The following JAKMIP2 variants were observed in gnomAD, a reference collection of about 807,000 sequenced individuals.
JAKMIP2 encodes janus kinase and microtubule interacting protein 2, also known as janus kinase and microtubule-interacting protein 2.
Under a neutral mutation model 115.0 loss-of-function variants are expected in JAKMIP2, and 25 were observed. The observed-to-expected ratio is 0.22, with a 90% CI of 0.16 to 0.30. JAKMIP2 has a LOEUF of 0.30. JAKMIP2 is among the 10% of genes least tolerant of loss of function. The probability of loss-of-function intolerance (pLI) is 1.00; values close to 1 mark genes in which losing one functional copy is unlikely to be tolerated. For synonymous variants in JAKMIP2, 334 were observed against 343.6 expected, an observed-to-expected ratio of 0.97 and a Z score of 0.31; for missense variants, 642 against 957.6, an observed-to-expected ratio of 0.67 and a Z score of 4.35.
At chr5:147,653,761 C>T (rs1380583456) in intron 3 of JAKMIP2, among the ~76,000 whole-genome samples, 2 of 152,036 alleles carry the variant, frequency 1.3e-5, no homozygotes, top group Non-Finnish European at 1.5e-5. Context: ...TTACTTTTGG[C>T]GTTTTCATCA....
At chr5:147,609,523 A>G (rs1004157513) in intron 20 of JAKMIP2, among the ~76,000 whole-genome samples, 1 of 152,112 alleles carries the variant, frequency 6.6e-6, no homozygotes, top group Non-Finnish European at 1.5e-5. Flanking sequence ...TCTGGCTTGT[A>G]GGGTTTCTGC....
rs28510241 is a variant in JAKMIP2 at position 147,753,674 on chromosome 5, C to T, written c.-149+28782G>A. ...GTTCTAGATCAGGCATTAAAGAATT[C>T]GGTCTTAGCAACTACCACTCACACA... On this transcript the variant is annotated intron_variant, in intron 1 of 21. Transcript: ENST00000616793. Among the ~76,000 whole-genome samples, 1,231 of 152,286 alleles carry T rather than the reference C, an allele frequency of 8.1e-3. 11 individuals are homozygous for T. Among genetic ancestry groups the T allele is most frequent in the African/African-American group, 0.027 (1,133 of 41,564 alleles).
At chr5:147,652,406 T>TATGAGC (rs1188102056) in intron 3 of JAKMIP2, among the ~76,000 whole-genome samples, 1 of 152,186 alleles carries the variant, frequency 6.6e-6, no homozygotes, top group Non-Finnish European at 1.5e-5. Flanking sequence ...GCGTAGCAGT[T>TATGAGC]ATGAGCATGG....
chr5:147,655,827 A>G (rs1459156423), intron 3 of JAKMIP2, among the ~76,000 whole-genome samples: 1 of 152,126 alleles, frequency 6.6e-6, no homozygotes, highest in East Asian at 1.9e-4. Flanking sequence ...TGATGTGGGC[A>G]TTTAGTGCTA....
At chr5:147,629,846 C>A in intron 14 of JAKMIP2, 100 bp from the exon 15 acceptor site, 1 of 871,120 alleles carries the variant, frequency 1.1e-6, no homozygotes, top group South Asian at 1.6e-5. Flanking sequence ...AGGGCCTGAA[C>A]TTCCTTGGGA....
intron 20 of JAKMIP2, among the ~76,000 whole-genome samples, chr5:147,610,530 T>A (rs1425195060): frequency 6.6e-6 from 1 of 152,206 alleles, no homozygotes; most frequent in African/African-American, 2.4e-5. Flanking sequence ...ATAGCAAAGA[T>A]TGCTGCCTGC....
chr5:147,770,597 T>G (rs1411446578), intron 1 of JAKMIP2, among the ~76,000 whole-genome samples: 1 of 152,142 alleles, frequency 6.6e-6, no homozygotes, highest in African/African-American at 2.4e-5. Context: ...GAAACTATAT[T>G]GTTCATAGCG....
rs1000698475 is a variant in JAKMIP2 at position 147,594,530 on chromosome 5, C to T, written c.*21-2844G>A. ...TTGTACTTTTGTAGAGATGGGATTT[C>T]ACCATGTTTCCCAGGCTGGTCTTAA... On this transcript the variant is annotated intron_variant, in intron 21 of 21. Coordinates refer to ENST00000616793, the MANE Select transcript of JAKMIP2 (RefSeq NM_001270941.2). 91 of 404,100 alleles carry T rather than the reference C, an allele frequency of 2.3e-4. 1 individual carries two copies. The highest frequency in any genetic ancestry group is 2.2e-3 in the Admixed American group (90 of 40,826). 25.0% of individuals were successfully genotyped at this position (404,100 alleles called of 1,614,324 possible).
chr5:147,607,787 G>A (rs1450417526), intron 20 of JAKMIP2, among the ~76,000 whole-genome samples: 1 of 152,190 alleles, frequency 6.6e-6, no homozygotes, highest in African/African-American at 2.4e-5. Context: ...GAATTCAGCT[G>A]TGAATCCGCC....
chr5:147,738,929 C>A (rs1243785441), intron 1 of JAKMIP2, among the ~76,000 whole-genome samples: 1 of 152,152 alleles, frequency 6.6e-6, no homozygotes, highest in Non-Finnish European at 1.5e-5. Context: ...TTTTGAGAAT[C>A]AGTTTCATAA....
chr5:147,778,348 T>C (rs1324576718), intron 1 of JAKMIP2, among the ~76,000 whole-genome samples: 1 of 152,094 alleles, frequency 6.6e-6, no homozygotes, highest in Admixed American at 6.6e-5. Context: ...AGCACATAGT[T>C]AGTGTATTTG....
intron 12 of JAKMIP2, among the ~76,000 whole-genome samples, chr5:147,635,234 G>C (rs1236479724): frequency 6.6e-6 from 1 of 152,008 alleles, no homozygotes; most frequent in Non-Finnish European, 1.5e-5. Flanking sequence ...AAATATCAAA[G>C]GAAAAGCCAC....
At chr5:147,686,274 G>A (rs938211205) in intron 1 of JAKMIP2, among the ~76,000 whole-genome samples, 13 of 152,002 alleles carry the variant, frequency 8.6e-5, no homozygotes, top group African/African-American at 1.5e-4. Context: ...TTTCATGAAG[G>A]GACTGTGCAG....
At chr5:147,670,743 A>G (rs1053781151) in intron 2 of JAKMIP2, among the ~76,000 whole-genome samples, 1 of 152,192 alleles carries the variant, frequency 6.6e-6, no homozygotes, top group Non-Finnish European at 1.5e-5. Context: ...ACCTCAGTAC[A>G]GCTGTGATGT....
chr5:147,673,564 G>A (rs953320525), intron 1 of JAKMIP2, among the ~76,000 whole-genome samples: 6 of 152,196 alleles, frequency 3.9e-5, no homozygotes, highest in African/African-American at 1.2e-4. Flanking sequence ...GAGACTGTCG[G>A]CAGCAGTCAT....
chr5:147,782,489 G>A lies in JAKMIP2; in HGVS notation c.-182C>T. On this transcript the variant is annotated 5_prime_UTR_variant, in exon 1 of 22. Transcript: ENST00000616793. ...GACCCGGAGAAGCTGTTTAAAGGAG[G>A]GAGAGATGCAAACTGAATCCATTTT... The A allele has an allele frequency of 6.5e-7, 1 of 1,535,712 alleles. No homozygotes were observed. The highest frequency in any genetic ancestry group is 8.7e-7 in the Non-Finnish European group (1 of 1,146,568).
At chr5:147,748,168 G>A (rs774276801) in intron 1 of JAKMIP2, among the ~76,000 whole-genome samples, 3 of 152,150 alleles carry the variant, frequency 2.0e-5, no homozygotes, top group Non-Finnish European at 4.4e-5. Flanking sequence ...CTTGTTGGCT[G>A]TATGAGCTTG....
At chr5:147,780,912 T>C (rs1755733330) in intron 1 of JAKMIP2, among the ~76,000 whole-genome samples, 1 of 152,188 alleles carries the variant, frequency 6.6e-6, no homozygotes, top group East Asian at 1.9e-4. Context: ...GCCCATGTGG[T>C]AAATGTAATA....
intron 1 of JAKMIP2, among the ~76,000 whole-genome samples, chr5:147,711,778 C>T (rs13353961): frequency 0.11 from 16,169 of 152,138 alleles, 1,478 homozygotes; most frequent in East Asian, 0.34. Flanking sequence ...AGCGATTCTC[C>T]GGCCTCAGCC....
Sources: gnomAD v4.1 joint callset for allele counts (sites outside exome capture counted in the v4.1 genomes callset) on GRCh38, gnomAD v4.1.1 for gene constraint, MANE v1.5 for transcripts, NCBI Gene and HGNC (gene_info 2026-07-23, HGNC 2026-07-21) for gene names.